The following FBP1 variants were observed in gnomAD, a reference collection of about 807,000 sequenced individuals.
FBP1 encodes the protein fructose-1,6-bisphosphatase 1.
Under a neutral mutation model 29.9 loss-of-function variants are expected in FBP1, and 22 were observed. That is an observed-to-expected ratio of 0.74 (90% CI 0.53 to 1.05). The LOEUF (loss-of-function observed/expected upper bound fraction) is 1.05, where lower values mean the gene tolerates loss of function less well. Among genes scored for constraint, FBP1 ranks in the 50% least tolerant of loss-of-function variants. FBP1 has a pLI of 0.00. For missense variants in FBP1, 345 were observed against 448.2 expected, an observed-to-expected ratio of 0.77 and a Z score of 2.08; for synonymous variants, 175 against 178.6, an observed-to-expected ratio of 0.98 and a Z score of 0.16.
rs1263437440 is a variant in FBP1, at chr9:94,603,568, C to G, written c.830G>C (p.Arg277Thr). ...ANKKSPNGKL[R>T]LLYECNPMAY... The stretch of plus-strand genomic sequence containing the variant: ...CATGGGGTTGCATTCGTACAGCAGT[C>G]TCAGCTGGAAAACAAGACCGGGTAG... The change falls in exon 7 of 7, where the codon AGA becomes ACA. Residue 277 changes from arginine to threonine, a missense_variant. Physicochemically the swap from Arg to Thr is moderately conservative, Grantham distance 71. Transcript: ENST00000375326. 1 of 1,614,026 alleles carries G rather than the reference C, an allele frequency of 6.2e-7. No homozygotes were observed. Among genetic ancestry groups the G allele is most frequent in the Non-Finnish European group, 8.5e-7 (1 of 1,180,016 alleles).
intron 4 of FBP1, 72 bp from the exon 5 acceptor site, chr9:94,607,024 C>G: frequency 4.4e-6 from 7 of 1,601,760 alleles, no homozygotes; most frequent in Non-Finnish European, 5.1e-6. Context: ...ATGAGGCGAG[C>G]GATGGGCTGG....
chr9:94,623,799 C>T (rs528497581), intron 1 of FBP1, among the ~76,000 whole-genome samples: 2 of 152,340 alleles, frequency 1.3e-5, no homozygotes, highest in African/African-American at 4.8e-5. Context: ...CAGTGCCGAA[C>T]ACGGTAGATC....
chr9:94,615,626 G>C (rs977065802), intron 3 of FBP1, among the ~76,000 whole-genome samples: 3 of 152,118 alleles, frequency 2.0e-5, no homozygotes, highest in Non-Finnish European at 4.4e-5. Context: ...TGCCTTTCTA[G>C]TATGAGAATT....
chr9:94,619,964 T>C (rs1220353324), intron 2 of FBP1, among the ~76,000 whole-genome samples: 1 of 148,264 alleles, frequency 6.7e-6, no homozygotes, highest in Non-Finnish European at 1.5e-5. Flanking sequence ...TTTCAAGCAG[T>C]CTAGGTCAAC....
At chr9:94,635,086 C>CAAAAAAA (rs11289183) in intron 1 of FBP1, among the ~76,000 whole-genome samples, 1 of 82,240 alleles carries the variant, frequency 1.2e-5, no homozygotes, top group African/African-American at 4.8e-5. Context: ...GGCCCTGTCT[C>CAAAAAAA]AAAAAAAAAA....
At chr9:94,625,456 G>A (rs28369671) in intron 1 of FBP1, among the ~76,000 whole-genome samples, 9,081 of 151,540 alleles carry the variant, frequency 0.06, 354 homozygotes, top group South Asian at 0.15. Context: ...CAGAACTGAC[G>A]GGGCTGCCCG....
chr9:94,605,087 C>CGCTT (rs1827677221), intron 6 of FBP1, among the ~76,000 whole-genome samples: 1 of 152,182 alleles, frequency 6.6e-6, no homozygotes, highest in Non-Finnish European at 1.5e-5. Flanking sequence ...AAGAAGACTT[C>CGCTT]TACTGAGGAT....
rs567189003 is a variant in FBP1, at chr9:94,624,831, T to C, written c.171-4340A>G. 3.9e-5 allele frequency among the ~76,000 whole-genome samples: 6 copies of C among 152,278 alleles called. No individual in the cohort carries two copies. The South Asian group carries it at 1.2e-3, about 32-fold the overall frequency. On this transcript the variant is annotated intron_variant, in intron 1 of 6. Transcript: ENST00000375326. ...AGGGAGTGGGTACTATGTGCACATT[T>C]ATACAAGTAATTTTGTAAAGCCTGA...
chr9:94,637,244 A>G (rs1044200005), intron 1 of FBP1, among the ~76,000 whole-genome samples: 5 of 152,170 alleles, frequency 3.3e-5, no homozygotes, highest in Admixed American at 2.6e-4. Context: ...CCACCAGTCC[A>G]TACTGTGGGA....
At chr9:94,612,607 A>AGT (rs1044174253) in intron 3 of FBP1, among the ~76,000 whole-genome samples, 2 of 127,430 alleles carry the variant, frequency 1.6e-5, no homozygotes, top group African/African-American at 6.1e-5. Context: ...GCCAGGCTGG[A>AGT]GTGCAGTGGC....
chr9:94,637,840 G>T (rs1370112557), intron 1 of FBP1, among the ~76,000 whole-genome samples: 3 of 151,954 alleles, frequency 2.0e-5, no homozygotes, highest in African/African-American at 7.2e-5. Flanking sequence ...TGTAATCCCA[G>T]CACTTTGGGA....
chr9:94,639,723 C>T (rs1434031862), upstream of FBP1, among the ~76,000 whole-genome samples: 1 of 147,870 alleles, frequency 6.8e-6, no homozygotes, highest in Admixed American at 6.7e-5. Flanking sequence ...CCTGGGCTGT[C>T]GCCCCCCACA....
At chr9:94,630,958 T>C (rs1227777170) in intron 1 of FBP1, among the ~76,000 whole-genome samples, 2 of 151,936 alleles carry the variant, frequency 1.3e-5, no homozygotes, top group Admixed American at 6.6e-5. Flanking sequence ...GATCTGGGGA[T>C]TGGGGGAAGG....
chr9:94,605,789 A>T (rs977686473), intron 5 of FBP1, among the ~76,000 whole-genome samples: 1 of 152,180 alleles, frequency 6.6e-6, no homozygotes, highest in Non-Finnish European at 1.5e-5. Context: ...ACAATAGGTC[A>T]GATTGCCCAC....
intron 3 of FBP1, among the ~76,000 whole-genome samples, chr9:94,613,754 G>T (rs1233845391): frequency 7.0e-6 from 1 of 143,152 alleles, no homozygotes; most frequent in East Asian, 2.2e-4. Flanking sequence ...GACAGAGTGA[G>T]ACCTTGTCTC....
At chr9:94,622,891 G>A (rs1471630016) in intron 1 of FBP1, among the ~76,000 whole-genome samples, 1 of 152,166 alleles carries the variant, frequency 6.6e-6, no homozygotes, top group Non-Finnish European at 1.5e-5. Flanking sequence ...CAGCTCAAAT[G>A]CAGCTCCCTC....
At chr9:94,635,384 TTTAGG>T (rs1234313986) in intron 1 of FBP1, among the ~76,000 whole-genome samples, 1 of 152,234 alleles carries the variant, frequency 6.6e-6, no homozygotes, top group Non-Finnish European at 1.5e-5. Flanking sequence ...CAATAGCAAC[TTTAGG>T]TTACACCAGG....
chr9:94,618,023 A>G (rs1424097072), intron 2 of FBP1, among the ~76,000 whole-genome samples, 163 bp from the exon 3 acceptor site: 4 of 152,224 alleles, frequency 2.6e-5, no homozygotes, highest in Admixed American at 6.5e-5. Context: ...TACAGAATGC[A>G]CAGATACACA....
intron 1 of FBP1, among the ~76,000 whole-genome samples, chr9:94,624,265 G>A (rs1251795443): frequency 5.3e-5 from 8 of 151,582 alleles, no homozygotes; most frequent in African/African-American, 1.9e-4. Context: ...GTGAACCCGG[G>A]AGGCGGAGCT....
Sources: gnomAD v4.1 joint callset for allele counts (sites outside exome capture counted in the v4.1 genomes callset) on GRCh38, gnomAD v4.1.1 for gene constraint, MANE v1.5 for transcripts, NCBI Gene and HGNC (gene_info 2026-07-23, HGNC 2026-07-21) for gene names.